The following ERBB4 variants were observed in gnomAD, a reference collection of about 807,000 sequenced individuals.
ERBB4 encodes the protein receptor tyrosine-protein kinase erbB-4.
In ERBB4, 42 loss-of-function variants were observed where a neutral mutation model predicts 158.0. That is an observed-to-expected ratio of 0.27 (90% CI 0.21 to 0.34). The LOEUF (loss-of-function observed/expected upper bound fraction) is 0.34. ERBB4 is among the 10% of genes least tolerant of loss of function. ERBB4 has a pLI of 1.00. For synonymous variants in ERBB4, 583 were observed against 558.7 expected (o/e 1.04, Z -0.61); for missense variants, 1,333 against 1,624.1 (o/e 0.82, Z 3.08).
chr2:212,394,916 T>C (rs527687981), intron 1 of ERBB4, among the ~76,000 whole-genome samples: 3 of 152,122 alleles, frequency 2.0e-5, no homozygotes, highest in Non-Finnish European at 4.4e-5. Context: ...AGGAGAAGAA[T>C]TGGATCAAAT....
intron 1 of ERBB4, among the ~76,000 whole-genome samples, chr2:212,139,458 A>G (rs991441280): frequency 6.6e-6 from 1 of 152,038 alleles, no homozygotes; most frequent in Non-Finnish European, 1.5e-5. Flanking sequence ...AAAATATACC[A>G]CTGAGTGCTA....
intron 1 of ERBB4, among the ~76,000 whole-genome samples, chr2:212,184,528 C>T (rs1447376054): frequency 6.6e-6 from 1 of 152,034 alleles, no homozygotes; most frequent in Non-Finnish European, 1.5e-5. Flanking sequence ...TACCTGGCAC[C>T]TTCAAGTACA....
intron 2 of ERBB4, among the ~76,000 whole-genome samples, chr2:211,980,292 C>G (rs2081752071): frequency 6.6e-6 from 1 of 152,122 alleles, no homozygotes; most frequent in Non-Finnish European, 1.5e-5. Context: ...TAGAAAATTG[C>G]CAAGAACTTT....
At chr2:211,687,092 G>A (rs146307372) in intron 12 of ERBB4, among the ~76,000 whole-genome samples, 2,190 of 151,146 alleles carry the variant, frequency 0.014, 27 homozygotes, top group Non-Finnish European at 0.021. Context: ...TCAGGAGATC[G>A]AGACCATCCT....
chr2:212,381,677 A>C (rs1465151038), intron 1 of ERBB4, among the ~76,000 whole-genome samples: 1 of 151,320 alleles, frequency 6.6e-6, no homozygotes, highest in Non-Finnish European at 1.5e-5. Flanking sequence ...ACCAGAAAAA[A>C]ATCAGAGCCC....
intron 20 of ERBB4, among the ~76,000 whole-genome samples, chr2:211,447,549 T>C (rs1473769419): frequency 1.3e-5 from 2 of 152,206 alleles, no homozygotes; most frequent in Non-Finnish European, 2.9e-5. Context: ...TAAAATATAA[T>C]GGTTCTTTCT....
intron 2 of ERBB4, among the ~76,000 whole-genome samples, chr2:211,963,800 T>C (rs2081245228): frequency 6.6e-6 from 1 of 152,184 alleles, no homozygotes; most frequent in African/African-American, 2.4e-5. Context: ...ACAAACAAAG[T>C]CAGTCATTTC....
At chr2:211,643,603 A>T (rs986749669) in intron 16 of ERBB4, among the ~76,000 whole-genome samples, 2 of 152,186 alleles carry the variant, frequency 1.3e-5, no homozygotes, top group African/African-American at 4.8e-5. Context: ...TTGCATTTTT[A>T]AAAACATAAA....
chr2:211,556,240 A>G (rs377719487), intron 20 of ERBB4, among the ~76,000 whole-genome samples: 3 of 152,360 alleles, frequency 2.0e-5, no homozygotes, highest in Admixed American at 2.0e-4. Context: ...AGACCTAACT[A>G]TCCTAAATAT....
chr2:212,487,443 G>A (rs981380832), intron 1 of ERBB4, among the ~76,000 whole-genome samples: 1 of 151,984 alleles, frequency 6.6e-6, no homozygotes, highest in Non-Finnish European at 1.5e-5. Context: ...AACTTAAAAT[G>A]GGGAGGTGCG....
chr2:211,877,982 C>T (rs1216813073), intron 3 of ERBB4, among the ~76,000 whole-genome samples: 1 of 152,240 alleles, frequency 6.6e-6, no homozygotes, highest in East Asian at 1.9e-4. Context: ...GTGGTGGGTG[C>T]CTGTAATCCC....
chr2:211,598,849 T>C (rs2068713725), intron 19 of ERBB4, among the ~76,000 whole-genome samples: 1 of 152,156 alleles, frequency 6.6e-6, no homozygotes, highest in South Asian at 2.1e-4. Flanking sequence ...CTTTATTTAT[T>C]AGACTGCCCA....
chr2:212,192,058 ATATATGT>A (rs1216725128), intron 1 of ERBB4, among the ~76,000 whole-genome samples: 1 of 77,680 alleles, frequency 1.3e-5, no homozygotes, highest in Non-Finnish European at 2.7e-5. Context: ...GTTATATGTT[ATATATGT>A]TATATGTTAT....
At chr2:212,158,182 A>G (rs999546334) in intron 1 of ERBB4, among the ~76,000 whole-genome samples, 43 of 152,060 alleles carry the variant, frequency 2.8e-4, no homozygotes, top group Non-Finnish European at 4.3e-4. Context: ...AGATTAAGCA[A>G]CTTGCCCAAA....
chr2:212,218,808 T>C (rs2083189800), intron 1 of ERBB4, among the ~76,000 whole-genome samples: 3 of 151,438 alleles, frequency 2.0e-5, no homozygotes, highest in Non-Finnish European at 4.4e-5. Flanking sequence ...ATGAGTTTCA[T>C]GTATGTTTCT....
At chr2:212,465,622 C>T (rs1252036686) in intron 1 of ERBB4, among the ~76,000 whole-genome samples, 1 of 152,134 alleles carries the variant, frequency 6.6e-6, no homozygotes, top group Non-Finnish European at 1.5e-5. Flanking sequence ...TCTAGCCTTG[C>T]TGTTAACCAT....
intron 1 of ERBB4, among the ~76,000 whole-genome samples, chr2:212,307,156 G>C (rs2086839732): frequency 6.6e-6 from 1 of 151,110 alleles, no homozygotes; most frequent in Admixed American, 6.6e-5. Context: ...CAGTCATTTA[G>C]TCTCTCAAAG....
chr2:212,040,602 C>T (rs2077117847), intron 2 of ERBB4, among the ~76,000 whole-genome samples: 1 of 152,108 alleles, frequency 6.6e-6, no homozygotes, highest in African/African-American at 2.4e-5. Flanking sequence ...TCTAACTCGT[C>T]TCTGCCAGTT....
At chr2:211,565,410 GA>G (rs2067517937) in intron 19 of ERBB4, among the ~76,000 whole-genome samples, 1 of 152,066 alleles carries the variant, frequency 6.6e-6, no homozygotes, top group Non-Finnish European at 1.5e-5. Flanking sequence ...AAAAAATTAA[GA>G]CTTCACAGTA....
Sources: gnomAD v4.1 joint callset for allele counts (sites outside exome capture counted in the v4.1 genomes callset) on GRCh38, gnomAD v4.1.1 for gene constraint, MANE v1.5 for transcripts, NCBI Gene and HGNC (gene_info 2026-07-23, HGNC 2026-07-21) for gene names.